Variants in MGAT5 observed in about 807,000 individuals in gnomAD.
The protein encoded by MGAT5 is alpha-1,6-mannosylglycoprotein 6-beta-N-acetylglucosaminyltransferase A.
A neutral mutation model predicts 94.3 loss-of-function variants in MGAT5; 30 were observed. The ratio of observed to expected loss-of-function variants is 0.32; its 90% confidence interval spans 0.24 to 0.43. MGAT5 has a LOEUF of 0.43. Ranked by LOEUF, MGAT5 falls within the 20% of genes least tolerant of loss-of-function variation. MGAT5 has a pLI of 1.00. For synonymous variants in MGAT5, 310 were observed against 322.9 expected (o/e 0.96, Z 0.43); for missense variants, 691 against 905.5 (o/e 0.76, Z 3.04).
At chr2:134,209,144 T>TTTTTTTTTTTTTTTTTTTG (rs1680170959) in intron 1 of MGAT5, among the ~76,000 whole-genome samples, 1 of 28,296 alleles carries the variant, frequency 3.5e-5, no homozygotes, top group Non-Finnish European at 5.5e-5. Flanking sequence ...CTGGCTTATT[T>TTTTTTTTTTTTTTTTTTTG]TTTTTTTATT....
At chr2:134,201,142 C>A (rs534100166) in intron 1 of MGAT5, among the ~76,000 whole-genome samples, 1 of 151,944 alleles carries the variant, frequency 6.6e-6, no homozygotes, top group Non-Finnish European at 1.5e-5. Flanking sequence ...GATCTTACTT[C>A]GGGGGCTATT....
intron 12 of MGAT5, 102 bp downstream of exon 12, chr2:134,413,117 A>T (rs2106331135): frequency 1.8e-4 from 223 of 1,228,546 alleles, no homozygotes; most frequent in Middle Eastern, 3.9e-4. Flanking sequence ...ATTGGGTGGG[A>T]GGGTGAGGGT....
intron 1 of MGAT5, among the ~76,000 whole-genome samples, chr2:134,123,132 A>AT (rs1187136396): frequency 1.6e-4 from 24 of 152,058 alleles, no homozygotes; most frequent in East Asian, 5.8e-4. Flanking sequence ...CTCCCATTCA[A>AT]TTTTTTTTGT....
At chr2:134,208,067 GGAT>G (rs1680105721) in intron 1 of MGAT5, among the ~76,000 whole-genome samples, 1 of 152,076 alleles carries the variant, frequency 6.6e-6, no homozygotes, top group Non-Finnish European at 1.5e-5. Flanking sequence ...GCCTGCCTAG[GGAT>G]GATAAGTGAA....
chr2:134,172,673 A>T (rs1332035387), intron 1 of MGAT5, among the ~76,000 whole-genome samples: 1 of 152,192 alleles, frequency 6.6e-6, no homozygotes, highest in Non-Finnish European at 1.5e-5. Flanking sequence ...GGTGTGAGCC[A>T]CCATGCCCAG....
chr2:134,447,773 C>A (rs1225945997), intron 15 of MGAT5, among the ~76,000 whole-genome samples: 1 of 152,244 alleles, frequency 6.6e-6, no homozygotes, highest in Non-Finnish European at 1.5e-5. Flanking sequence ...CCTTGGCCCC[C>A]CTACGCAGTG....
intron 1 of MGAT5, among the ~76,000 whole-genome samples, chr2:134,204,378 G>A (rs1370661362): frequency 6.6e-6 from 1 of 152,168 alleles, no homozygotes; most frequent in African/African-American, 2.4e-5. Context: ...CTTGGCTAAT[G>A]AAATTAGCCA....
At chr2:134,163,173 G>A (rs1687815012) in intron 1 of MGAT5, among the ~76,000 whole-genome samples, 1 of 152,174 alleles carries the variant, frequency 6.6e-6, no homozygotes, top group South Asian at 2.1e-4. Flanking sequence ...GGGCTTGGAA[G>A]GGGGATGTAT....
At chr2:134,353,067 G>T (rs1255854450) in intron 9 of MGAT5, among the ~76,000 whole-genome samples, 1 of 152,148 alleles carries the variant, frequency 6.6e-6, no homozygotes, top group African/African-American at 2.4e-5. Flanking sequence ...GTGTTTAATG[G>T]CTATGGGGTT....
chr2:134,337,017 T>C (rs750111201), intron 5 of MGAT5, among the ~76,000 whole-genome samples: 2 of 152,192 alleles, frequency 1.3e-5, no homozygotes, highest in Admixed American at 6.5e-5. Context: ...AGTTCTGCCA[T>C]TGTAGCGCAG....
chr2:134,344,622 G>A (rs1688818340), intron 7 of MGAT5, among the ~76,000 whole-genome samples: 1 of 152,144 alleles, frequency 6.6e-6, no homozygotes, highest in Non-Finnish European at 1.5e-5. Context: ...ATTGAGAGAG[G>A]TTAGGTAACT....
At chr2:134,321,439 C>A (rs554165581) in intron 4 of MGAT5, among the ~76,000 whole-genome samples, 21 of 152,224 alleles carry the variant, frequency 1.4e-4, no homozygotes, top group Admixed American at 1.2e-3. Context: ...GAAGAGACTG[C>A]AGTTATTTGT....
chr2:134,189,482 C>T (rs1689208418), intron 1 of MGAT5, among the ~76,000 whole-genome samples: 1 of 151,806 alleles, frequency 6.6e-6, no homozygotes, highest in South Asian at 2.1e-4. Flanking sequence ...GGAAGGGCTT[C>T]TTGGGAGAAG....
chr2:134,278,949 A>G (rs1195462868), intron 2 of MGAT5, among the ~76,000 whole-genome samples: 1 of 151,936 alleles, frequency 6.6e-6, no homozygotes, highest in Non-Finnish European at 1.5e-5. Context: ...TTGTGTTCCT[A>G]CCATGTGTGT....
intron 15 of MGAT5, among the ~76,000 whole-genome samples, chr2:134,446,732 C>T (rs531060430): frequency 1.2e-4 from 18 of 152,294 alleles, no homozygotes; most frequent in Admixed American, 6.5e-5. Flanking sequence ...AGTGCTCTCC[C>T]GGTGACTGTG....
In MGAT5 at chr2:134,272,373, T is replaced by TG. The variant is rs1027874970; in HGVS notation, c.406+1823_406+1824insG. Among the ~76,000 whole-genome samples the TG allele has an allele frequency of 3.9e-5, 6 of 152,032 alleles. 1 individual carries two copies. The highest frequency in any genetic ancestry group is 9.7e-5 in the African/African-American group (4 of 41,414). On this transcript the variant is annotated intron_variant, in intron 2 of 15. Transcript: ENST00000281923. ...AGAACCAGAGTGTTGTGTTTTGTTT[T>TG]TTTTTTCCTTTTTGGGCAATGGGAG...
At chr2:134,170,707 A>G (rs867848651) in intron 1 of MGAT5, among the ~76,000 whole-genome samples, 79 of 152,068 alleles carry the variant, frequency 5.2e-4, no homozygotes, top group African/African-American at 1.3e-3. Context: ...CAGTTTTACA[A>G]TTTTCTGCTC....
chr2:134,343,271 C>G (rs1385059042), intron 7 of MGAT5, among the ~76,000 whole-genome samples: 1 of 152,104 alleles, frequency 6.6e-6, no homozygotes, highest in East Asian at 1.9e-4. Flanking sequence ...GAAACTAGGA[C>G]TATAAATGAA....
Position 134,254,561 on chromosome 2 carries a change from T to C in MGAT5, c.158T>C (p.Leu53Pro). The C allele has an allele frequency of 6.2e-7, 1 of 1,614,196 alleles. No individual in the cohort carries two copies. Among genetic ancestry groups the C allele is most frequent in the Non-Finnish European group, 8.5e-7 (1 of 1,180,032 alleles). ...SSMLREQILD[L>P]SKRYIKALAE... ...ATGCTGCGCGAGCAGATCCTGGACCTCAGCAAAAGGTACATCAAGGCACTG... is the reference window on the plus strand; with the variant it reads ...ATGCTGCGCGAGCAGATCCTGGACCCCAGCAAAAGGTACATCAAGGCACTG... Residue 53 changes from leucine (L) to proline (P), a missense_variant, in exon 1 of 16, where the codon CTC (leucine) becomes CCC (proline). Physicochemically the swap from Leu to Pro is moderately conservative, Grantham distance 98. Around this residue, in one of 4 missense-constraint regions of MGAT5, gnomAD observed 307 missense variants for 335.4 expected, o/e 0.92. Coordinates refer to ENST00000281923, the MANE Select transcript of MGAT5 (RefSeq NM_002410.5).
Sources: allele counts gnomAD v4.1 joint callset (sites outside exome capture counted in the v4.1 genomes callset), GRCh38; gene constraint gnomAD v4.1.1; regional missense constraint gnomAD v4.1.1; transcripts MANE v1.5; gene names NCBI Gene and HGNC (gene_info 2026-07-23, HGNC 2026-07-21).